WWTR1: variants seen among roughly 807,000 people sequenced by gnomAD.
WWTR1 encodes WW domain-containing transcription regulator protein 1.
A neutral mutation model predicts 40.1 loss-of-function variants in WWTR1; 13 were observed. The ratio of observed to expected loss-of-function variants is 0.32; its 90% CI spans 0.21 to 0.52. The LOEUF (loss-of-function observed/expected upper bound fraction) is 0.52. Ranked by LOEUF, WWTR1 falls within the 20% of genes least tolerant of loss-of-function variation. WWTR1 has a pLI of 0.97. For synonymous variants in WWTR1, 230 were observed against 210.1 expected, an observed-to-expected ratio of 1.09 and a Z score of -0.82; for missense variants, 436 against 523.1, an observed-to-expected ratio of 0.83 and a Z score of 1.63.
At chr3:149,564,537 A>T (rs1436426432) in intron 3 of WWTR1, among the ~76,000 whole-genome samples, 2 of 150,080 alleles carry the variant, frequency 1.3e-5, no homozygotes, top group Non-Finnish European at 3.0e-5. Context: ...ATATAACCGC[A>T]TTACAGAGAA....
intron 1 of WWTR1, among the ~76,000 whole-genome samples, chr3:149,694,665 G>C (rs1576643842): frequency 6.6e-6 from 1 of 152,264 alleles, no homozygotes; most frequent in Non-Finnish European, 1.5e-5. Flanking sequence ...CCAAAAGACA[G>C]GCAATAATGC....
In WWTR1 at chr3:149,687,809, C is replaced by T. The variant is rs956772365; in HGVS notation, c.-108+15315G>A. On this transcript the variant is annotated intron_variant, in intron 1 of 7. Coordinates refer to the WWTR1 transcript ENST00000465804. ...GTACCACACAGACCCCTAAGGTCCC[C>T]AATTCCAGGCCTTAGCTCCTGGATG... Among the ~76,000 whole-genome samples the T allele has an allele frequency of 4.6e-5, 7 of 152,096 alleles. No homozygotes were observed. In the East Asian group the frequency reaches 9.7e-4, roughly 21 times the overall value.
At chr3:149,608,267 A>ACATATT (rs1278848628) in intron 2 of WWTR1, among the ~76,000 whole-genome samples, 1 of 152,154 alleles carries the variant, frequency 6.6e-6, no homozygotes, top group Non-Finnish European at 1.5e-5. Context: ...ACATTTTTGT[A>ACATATT]TTGTAACTAC....
chr3:149,617,190 A>G (rs1050409130), intron 2 of WWTR1, among the ~76,000 whole-genome samples: 1 of 152,178 alleles, frequency 6.6e-6, no homozygotes, highest in Non-Finnish European at 1.5e-5. Flanking sequence ...GTGCCATGAC[A>G]AGGTGGTCAC....
intron 1 of WWTR1, among the ~76,000 whole-genome samples, chr3:149,692,213 T>C (rs1714849850): frequency 6.6e-6 from 1 of 150,568 alleles, no homozygotes; most frequent in Non-Finnish European, 1.5e-5. Flanking sequence ...AAGAACACTA[T>C]AGGCCAATAT....
At chr3:149,566,458 T>C (rs1737334584) in intron 3 of WWTR1, among the ~76,000 whole-genome samples, 1 of 152,134 alleles carries the variant, frequency 6.6e-6, no homozygotes, top group African/African-American at 2.4e-5. Flanking sequence ...GGCTAATCTA[T>C]GCTGCATAAA....
At chr3:149,705,963 G>A (rs7639534), upstream of WWTR1, among the ~76,000 whole-genome samples, 2 of 152,152 alleles carry the variant, frequency 1.3e-5, no homozygotes, top group Admixed American at 6.5e-5. Flanking sequence ...AGGCCAAGGC[G>A]GGTGGATTGC....
chr3:149,587,597 G>T (rs1407253332), intron 2 of WWTR1, among the ~76,000 whole-genome samples: 1 of 152,160 alleles, frequency 6.6e-6, no homozygotes, highest in Non-Finnish European at 1.5e-5. Flanking sequence ...TTCAAAACAG[G>T]AGAGAGCTGC....
intron 3 of WWTR1, among the ~76,000 whole-genome samples, chr3:149,568,273 C>T (rs1025245234): frequency 1.4e-4 from 20 of 146,930 alleles, no homozygotes; most frequent in African/African-American, 4.9e-4. Flanking sequence ...GTAATCCCAG[C>T]TACTCCAGAG....
chr3:149,623,899 T>A (rs1015672140), intron 2 of WWTR1, among the ~76,000 whole-genome samples: 1 of 152,192 alleles, frequency 6.6e-6, no homozygotes, highest in African/African-American at 2.4e-5. Context: ...GTTTTGGCAA[T>A]GTTGTGCTCT....
chr3:149,582,765 A>G (rs1487816662), intron 2 of WWTR1, among the ~76,000 whole-genome samples: 1 of 152,154 alleles, frequency 6.6e-6, no homozygotes, highest in Non-Finnish European at 1.5e-5. Flanking sequence ...TAAAAGATGT[A>G]TAAATCACCT....
chr3:149,619,238 A>G (rs1332675370), intron 2 of WWTR1, among the ~76,000 whole-genome samples: 1 of 152,106 alleles, frequency 6.6e-6, no homozygotes, highest in Non-Finnish European at 1.5e-5. Flanking sequence ...AAACTTCTTG[A>G]AGAAGAAAAA....
intron 2 of WWTR1, among the ~76,000 whole-genome samples, chr3:149,649,483 A>C (rs1712723054): frequency 1.3e-5 from 2 of 152,188 alleles, no homozygotes; most frequent in African/African-American, 4.8e-5. Flanking sequence ...TCTTCATTTC[A>C]CTTCTTCTCC....
chr3:149,528,606 A>T (rs987924018), intron 4 of WWTR1, among the ~76,000 whole-genome samples: 1 of 152,160 alleles, frequency 6.6e-6, no homozygotes, highest in Admixed American at 6.6e-5. Context: ...AGCCTGCAAC[A>T]TGGTGAAACC....
chr3:149,562,156 A>G (rs964951752), intron 3 of WWTR1, among the ~76,000 whole-genome samples: 1 of 152,036 alleles, frequency 6.6e-6, no homozygotes, highest in Non-Finnish European at 1.5e-5. Flanking sequence ...TTAGCCGGGC[A>G]TGGTGGCGTG....
chr3:149,636,771 A>C (rs1428678188), intron 2 of WWTR1, among the ~76,000 whole-genome samples: 1 of 152,088 alleles, frequency 6.6e-6, no homozygotes, highest in African/African-American at 2.4e-5. Flanking sequence ...CCTACTATGC[A>C]TGCCATGCTT....
At chr3:149,693,721 G>A (rs1376204405) in intron 1 of WWTR1, among the ~76,000 whole-genome samples, 1 of 152,040 alleles carries the variant, frequency 6.6e-6, no homozygotes, top group Non-Finnish European at 1.5e-5. Context: ...TTCAACAAAG[G>A]TACCAAGAAC....
chr3:149,526,785 AATTGT>A (rs1026701711), intron 5 of WWTR1, among the ~76,000 whole-genome samples: 5 of 152,196 alleles, frequency 3.3e-5, no homozygotes, highest in East Asian at 1.9e-4. Flanking sequence ...TAATGTTCAT[AATTGT>A]ATTGTTTGTT....
chr3:149,685,363 G>C (rs1402149709), intron 1 of WWTR1, among the ~76,000 whole-genome samples: 1 of 152,222 alleles, frequency 6.6e-6, no homozygotes, highest in African/African-American at 2.4e-5. Flanking sequence ...AAATGAGGCT[G>C]ATGTGCTGAG....
Sources: gnomAD v4.1 joint callset for allele counts (sites outside exome capture counted in the v4.1 genomes callset) on GRCh38, gnomAD v4.1.1 for gene constraint, MANE v1.5 for transcripts, NCBI Gene and HGNC (gene_info 2026-07-23, HGNC 2026-07-21) for gene names.